KIAA1755: variants seen among roughly 807,000 people sequenced by gnomAD.
KIAA1755 encodes the protein KIAA1755.
KIAA1755 carries 68 observed loss-of-function variants against 91.7 expected under a neutral mutation model. The observed-to-expected ratio is 0.74, with a 90% CI of 0.61 to 0.91. The LOEUF (loss-of-function observed/expected upper bound fraction) is 0.91, where lower values mean the gene tolerates loss of function less well. Ranked by LOEUF, KIAA1755 falls within the 40% of genes least tolerant of loss-of-function variation. The probability of loss-of-function intolerance (pLI) is 0.00; values close to 1 mark genes in which losing one functional copy is unlikely to be tolerated. For missense variants in KIAA1755, 1,535 were observed against 1,494.4 expected (o/e 1.03, Z -0.45); for synonymous variants, 610 against 604.6 (o/e 1.01, Z -0.13).
At chr20:38,254,458 C>T (rs77644384) in intron 1 of KIAA1755, among the ~76,000 whole-genome samples, 15,400 of 152,048 alleles carry the variant, frequency 0.1, 1,184 homozygotes, top group African/African-American at 0.22. Flanking sequence ...TATCTATCTC[C>T]AAGGGCCCTT....
chr20:38,212,942 G>T lies in KIAA1755; in HGVS notation c.*100C>A. The stretch of plus-strand genomic sequence containing the variant: ...CAGAATGTAAAACCAGTGCTCCATG[G>T]TGACGTCTCACTGGGACTGACCAGA... On this transcript the variant is annotated 3_prime_UTR_variant, in exon 14 of 14. Coordinates refer to ENST00000279024, the MANE Select transcript of KIAA1755 (RefSeq NM_001029864.2). 2 of 858,630 alleles carry T rather than the reference G, an allele frequency of 2.3e-6. No individual in the cohort carries two copies. The highest frequency in any genetic ancestry group is 3.5e-6 in the Non-Finnish European group (2 of 566,018). The allele number at this position is 858,630 out of a possible 1,614,324, so 53.2% of individuals were successfully genotyped here. A position where few individuals can be genotyped will look rare whatever the true frequency, so the allele number is the denominator to read the frequency against.
In KIAA1755 at chr20:38,213,342, G is replaced by A; in HGVS notation, c.3303C>T (p.Asp1101=). Residue 1101 remains aspartate (D), a synonymous_variant, in exon 14 of 14, where the codon GAC becomes GAT. Coordinates refer to ENST00000279024, the MANE Select transcript of KIAA1755 (RefSeq NM_001029864.2). ...DQPPLDSLGM[D]HLPKSYWPPG... ...GAGGCCAATAGGACTTTGGCAAATG[G>A]TCCATGCCCAGTGAGTCTAGTGGAG... 2 of 1,611,888 alleles carry A rather than the reference G, an allele frequency of 1.2e-6. No individual in the cohort carries two copies. Among genetic ancestry groups the A allele is most frequent in the Non-Finnish European group, 1.7e-6 (2 of 1,178,912 alleles).
intron 4 of KIAA1755, among the ~76,000 whole-genome samples, chr20:38,234,881 C>T (rs2075931154): frequency 6.6e-6 from 1 of 152,202 alleles, no homozygotes; most frequent in South Asian, 2.1e-4. Context: ...CACCTACCAG[C>T]TGGCGCCAGA....
At chr20:38,234,084 T>C (rs1296526686) in intron 4 of KIAA1755, among the ~76,000 whole-genome samples, 5 of 152,150 alleles carry the variant, frequency 3.3e-5, no homozygotes, top group Non-Finnish European at 5.9e-5. Flanking sequence ...TGCCAACACC[T>C]TGATCTTGGA....
At chr20:38,242,009 C>T (rs553064575) in intron 2 of KIAA1755, 80 bp from the exon 3 acceptor site, 38 of 1,426,754 alleles carry the variant, frequency 2.7e-5, no homozygotes, top group South Asian at 2.2e-4. Context: ...CCCTCTCCCA[C>T]GTGGAATCTG....
At chr20:38,251,063 ATTAC>A (rs982105487) in intron 1 of KIAA1755, among the ~76,000 whole-genome samples, 4 of 151,858 alleles carry the variant, frequency 2.6e-5, no homozygotes, top group African/African-American at 9.7e-5. Context: ...ATTTAAATAT[ATTAC>A]TTATATAAAG....
chr20:38,213,833 C>G, intron 13 of KIAA1755, 90 bp from the exon 14 acceptor site: 1 of 936,158 alleles, frequency 1.1e-6, no homozygotes, highest in Non-Finnish European at 1.5e-6. Context: ...GCCAGGGCCC[C>G]GCTCAGCTTG....
At chr20:38,219,843 C>G in intron 10 of KIAA1755, 75 bp from the exon 11 acceptor site, 1 of 1,558,468 alleles carries the variant, frequency 6.4e-7, no homozygotes, top group Non-Finnish European at 8.7e-7. Context: ...CCGCATAGGC[C>G]TGCCCCTCCA....
Position 38,213,689 on chromosome 20 carries a change from T to C in KIAA1755, c.2956A>G (p.Lys986Glu). 6.4e-7 allele frequency: 1 copy of C among 1,556,994 alleles called. No individual in the cohort carries two copies. Among genetic ancestry groups the C allele is most frequent in the Non-Finnish European group, 8.7e-7 (1 of 1,151,220 alleles). Residue 986 changes from lysine (K) to glutamate (E), a missense_variant, in exon 14 of 14, where the codon AAG becomes GAG. Transcript: ENST00000279024. ...TCCCCAGGACTGACCCTTGAGGTCTTGTCCAGCCTGAGCTGGGCCATCAGG... is the reference window on the plus strand; with the variant it reads ...TCCCCAGGACTGACCCTTGAGGTCTCGTCCAGCCTGAGCTGGGCCATCAGG... Reference protein sequence around the residue: ...QDLMAQLRLDKTSRVSPGDQR... With the variant: ...QDLMAQLRLDETSRVSPGDQR...
intron 10 of KIAA1755, among the ~76,000 whole-genome samples, chr20:38,220,496 G>A (rs2075638381): frequency 6.6e-6 from 1 of 151,904 alleles, no homozygotes; most frequent in African/African-American, 2.4e-5. Context: ...TGTATTTTTA[G>A]TAGAGACAGG....
chr20:38,253,666 G>A (rs1297800746), intron 1 of KIAA1755, among the ~76,000 whole-genome samples: 1 of 152,192 alleles, frequency 6.6e-6, no homozygotes, highest in Admixed American at 6.5e-5. Context: ...AGTTACCCCT[G>A]AGGGCTGTGC....
intron 11 of KIAA1755, 145 bp downstream of exon 11, chr20:38,219,485 G>T: frequency 9.7e-7 from 1 of 1,034,358 alleles, no homozygotes; most frequent in Admixed American, 2.4e-5. Context: ...CCCCAAGGAT[G>T]CCTGCCTGGC....
In KIAA1755 at chr20:38,239,891, C is replaced by G. The variant is rs556430588; in HGVS notation, c.1550-166G>C. 3.7e-3 allele frequency among the ~76,000 whole-genome samples: 559 copies of G among 152,204 alleles called. 6 individuals are homozygous for G. The highest frequency in any genetic ancestry group is 0.013 in the African/African-American group (521 of 41,532). ...CCCTTACTTCTAGTGTTACCCCTCC[C>G]CACACCTCACTTTTTTTTCTTTAGT... is the stretch of plus-strand genomic sequence containing the variant. On this transcript the variant is annotated intron_variant, in intron 3 of 13. Coordinates refer to ENST00000279024, the MANE Select transcript of KIAA1755 (RefSeq NM_001029864.2).
chr20:38,213,731 G>T lies in KIAA1755; in HGVS notation c.2914C>A (p.His972Asn). ...GCCATCAGGTCCTGACAGTCCATGT[G>T]GAACCAGGTCATCTGGGGGACAAGA... The part of the protein sequence containing the change: ...HRFCKRMTWF[H>N]MDCQDLMAQL... Residue 972 changes from histidine (H) to asparagine (N), a missense_variant, in exon 14 of 14, where the codon CAC (histidine) becomes AAC (asparagine). By Grantham distance (68) the His-to-Asn change is moderately conservative. Transcript: ENST00000279024. 1 of 1,476,782 alleles carries T rather than the reference G, an allele frequency of 6.8e-7. No homozygotes were observed. The highest frequency in any genetic ancestry group is 1.4e-5 in the South Asian group (1 of 72,074). 91.5% of individuals were successfully genotyped at this position (1,476,782 alleles called of 1,614,324 possible). A position where few individuals can be genotyped will look rare whatever the true frequency, so the allele number is the denominator to read the frequency against.
At chr20:38,259,924 G>T (rs2076415645) in intron 1 of KIAA1755, among the ~76,000 whole-genome samples, 1 of 151,196 alleles carries the variant, frequency 6.6e-6, no homozygotes, top group Admixed American at 6.6e-5. Context: ...CCTCTCCCCA[G>T]CCAATTCCCA....
At chr20:38,220,783 C>A (rs1321030684) in intron 10 of KIAA1755, among the ~76,000 whole-genome samples, 13 of 152,206 alleles carry the variant, frequency 8.5e-5, no homozygotes. Flanking sequence ...TGCCTGCCGG[C>A]CCTGCCTCCA....
At chr20:38,248,784 C>T (rs1300851702) in intron 1 of KIAA1755, among the ~76,000 whole-genome samples, 8 of 151,710 alleles carry the variant, frequency 5.3e-5, no homozygotes, top group African/African-American at 1.5e-4. Context: ...CTGCAGCCTC[C>T]GCCTTCTGGG....
intron 5 of KIAA1755, 30 bp downstream of exon 5, chr20:38,231,172 T>C: frequency 6.3e-7 from 1 of 1,598,640 alleles, no homozygotes; most frequent in Non-Finnish European, 8.5e-7. Context: ...GAGGTGGGGA[T>C]GGAGCAGTCA....
Position 38,218,309 on chromosome 20 carries a change from C to T in KIAA1755, c.2614G>A (p.Asp872Asn). 1 of 1,614,256 alleles carries T rather than the reference C, an allele frequency of 6.2e-7. No individual in the cohort carries two copies. The highest frequency in any genetic ancestry group is 1.1e-5 in the South Asian group (1 of 91,092). ...RRCLQSLTPK[D>N]GSLETVEKAH... is the part of the protein sequence containing the mutation. ...TTCTCCACTGTCTCCAAACTTCCATCCTTGGGGGTCAGTGATTGCAGGCAC... is the reference window on the plus strand; with the variant it reads ...TTCTCCACTGTCTCCAAACTTCCATTCTTGGGGGTCAGTGATTGCAGGCAC... The change falls in exon 12 of 14, where the codon GAT becomes AAT. Residue 872 changes from aspartate to asparagine, a missense_variant. Transcript: ENST00000279024.
Sources: allele counts gnomAD v4.1 joint callset (sites outside exome capture counted in the v4.1 genomes callset), GRCh38; gene constraint gnomAD v4.1.1; transcripts MANE v1.5; gene names NCBI Gene and HGNC (gene_info 2026-07-23, HGNC 2026-07-21).